Variants in LDLRAD4 observed in about 807,000 individuals in gnomAD.
LDLRAD4 encodes low-density lipoprotein receptor class A domain-containing protein 4.
LDLRAD4 carries 5 observed loss-of-function variants against 17.0 expected under a neutral mutation model. The ratio of observed to expected loss-of-function variants is 0.29; its 90% CI spans 0.15 to 0.62. The LOEUF (loss-of-function observed/expected upper bound fraction) is 0.62, where lower values mean the gene tolerates loss of function less well. LDLRAD4 is among the 20% of genes least tolerant of loss of function. The probability of loss-of-function intolerance (pLI) is 0.84; values close to 1 mark genes in which losing one functional copy is unlikely to be tolerated. For synonymous variants in LDLRAD4, 168 were observed against 171.8 expected (o/e 0.98, Z 0.17); for missense variants, 340 against 424.7 (o/e 0.80, Z 1.75).
intron 1 of LDLRAD4, among the ~76,000 whole-genome samples, chr18:13,221,361 C>A (rs2041445014): frequency 6.6e-6 from 1 of 152,106 alleles, no homozygotes; most frequent in Admixed American, 6.5e-5. Flanking sequence ...AGAAAAAAAT[C>A]TCCTGGAAGC....
At chr18:13,343,959 T>C (rs2082529931) in intron 1 of LDLRAD4, among the ~76,000 whole-genome samples, 1 of 152,198 alleles carries the variant, frequency 6.6e-6, no homozygotes, top group Non-Finnish European at 1.5e-5. Context: ...TTTGCTTGAG[T>C]TCATTGTAGA....
At chr18:13,642,151 G>T in intron 4 of LDLRAD4, 1 of 985,508 alleles carries the variant, frequency 1.0e-6, no homozygotes, top group Non-Finnish European at 1.2e-6. Flanking sequence ...ACTGATTCCA[G>T]GATGTCCCCG....
exon 6 of LDLRAD4, chr18:13,649,496 A>T (rs2043152964): frequency 6.6e-6 from 1 of 152,262 alleles, no homozygotes; most frequent in Non-Finnish European, 1.5e-5. Flanking sequence ...TTGCTAGTAG[A>T]GAGACACCCG....
chr18:13,414,145 T>C (rs2088644264), intron 2 of LDLRAD4, among the ~76,000 whole-genome samples: 1 of 152,198 alleles, frequency 6.6e-6, no homozygotes, highest in Non-Finnish European at 1.5e-5. Context: ...ACAAATGAAA[T>C]CCAGAGATGA....
At chr18:13,495,704 A>G (rs2093454559) in intron 3 of LDLRAD4, among the ~76,000 whole-genome samples, 1 of 152,096 alleles carries the variant, frequency 6.6e-6, no homozygotes. Context: ...ATTCTAGAAC[A>G]AGAGAAGACT....
chr18:13,447,281 C>T (rs1040086236), intron 3 of LDLRAD4, among the ~76,000 whole-genome samples: 4 of 152,208 alleles, frequency 2.6e-5, no homozygotes. Context: ...TCACTGGCAA[C>T]ACGCTTCTGC....
intron 4 of LDLRAD4, among the ~76,000 whole-genome samples, chr18:13,637,307 G>A (rs1456147395): frequency 6.6e-6 from 1 of 152,034 alleles, no homozygotes; most frequent in Non-Finnish European, 1.5e-5. Context: ...GCAGTGGCGG[G>A]CCATTGGTCT....
At chr18:13,558,271 A>T (rs1478798455) in intron 3 of LDLRAD4, among the ~76,000 whole-genome samples, 1 of 152,192 alleles carries the variant, frequency 6.6e-6, no homozygotes, top group Non-Finnish European at 1.5e-5. Context: ...GGCAGAAGAA[A>T]ACAAGACATG....
At chr18:13,410,047 A>G (rs1416494770) in intron 2 of LDLRAD4, among the ~76,000 whole-genome samples, 2 of 152,202 alleles carry the variant, frequency 1.3e-5, no homozygotes, top group Middle Eastern at 3.2e-3. Context: ...CCAGTAATGC[A>G]GAATCTTATT....
intron 3 of LDLRAD4, among the ~76,000 whole-genome samples, chr18:13,455,259 T>C (rs940913842): frequency 6.6e-6 from 1 of 152,178 alleles, no homozygotes; most frequent in Non-Finnish European, 1.5e-5. Context: ...ATGCAAATAT[T>C]GCAGACCTGA....
intron 1 of LDLRAD4, among the ~76,000 whole-genome samples, chr18:13,265,059 T>C (rs921757291): frequency 6.6e-6 from 1 of 152,218 alleles, no homozygotes; most frequent in Non-Finnish European, 1.5e-5. Flanking sequence ...ATCCATCCAC[T>C]GTGTCGCCAA....
At chr18:13,326,662 T>C (rs1370609636) in intron 1 of LDLRAD4, among the ~76,000 whole-genome samples, 1 of 152,232 alleles carries the variant, frequency 6.6e-6, no homozygotes, top group Non-Finnish European at 1.5e-5. Context: ...TTCTGCGGGG[T>C]TTGGCTGATG....
Position 13,398,830 on chromosome 18 carries a change from C to T in LDLRAD4, c.40+11068C>T, listed in dbSNP as rs898729557. 2.6e-5 allele frequency among the ~76,000 whole-genome samples: 4 copies of T among 152,150 alleles called. No homozygotes were observed. The highest frequency in any genetic ancestry group is 2.1e-4 in the South Asian group (1 of 4,808). On this transcript the variant is annotated intron_variant, in intron 2 of 5. Transcript: ENST00000359446. This position sits in a 1 kb window ranked among gnomAD's most constrained non-coding sequence, Gnocchi z 4.8. ...CCCTCCCCGGGGGCACTATAGCAACCGTGTGTTGTTGCCTGGGACTCACTT... is the reference window on the plus strand; with the variant it reads ...CCCTCCCCGGGGGCACTATAGCAACTGTGTGTTGTTGCCTGGGACTCACTT...
intron 2 of LDLRAD4, among the ~76,000 whole-genome samples, chr18:13,400,160 G>C (rs190429449): frequency 1.3e-5 from 2 of 152,284 alleles, no homozygotes; most frequent in Admixed American, 1.3e-4. Flanking sequence ...AAAATATTTC[G>C]TGGAATAAAA....
In LDLRAD4 at chr18:13,638,920, G is replaced by T. The variant is rs146634718; in HGVS notation, c.337-4439G>T. Among the ~76,000 whole-genome samples, 599 of 152,228 alleles carry T rather than the reference G, an allele frequency of 3.9e-3. 1 individual carries two copies. Among genetic ancestry groups the T allele is most frequent in the African/African-American group, 0.014 (576 of 41,538 alleles). On this transcript the variant is annotated intron_variant, in intron 4 of 5. Transcript: ENST00000359446. The stretch of plus-strand genomic sequence containing the variant: ...TTGCAATGGAAGAGGACTGAGACCC[G>T]CTGCAAGGAAGTATTCCGTACATGT...
chr18:13,486,147 G>A (rs2093217637), intron 3 of LDLRAD4, among the ~76,000 whole-genome samples: 2 of 152,134 alleles, frequency 1.3e-5, no homozygotes, highest in South Asian at 2.1e-4. Context: ...TTTTAACCCC[G>A]TTCTCTGCTC....
intron 1 of LDLRAD4, among the ~76,000 whole-genome samples, chr18:13,365,907 G>A (rs1330977943): frequency 6.6e-6 from 1 of 152,062 alleles, no homozygotes; most frequent in Admixed American, 6.5e-5. Flanking sequence ...CTGAGTAGCT[G>A]GGATTACAGG....
At chr18:13,584,319 G>A (rs2094906298) in intron 3 of LDLRAD4, among the ~76,000 whole-genome samples, 1 of 152,184 alleles carries the variant, frequency 6.6e-6, no homozygotes, top group Admixed American at 6.5e-5. Context: ...AGACTCAGAT[G>A]AGTGGCCACC....
intron 1 of LDLRAD4, among the ~76,000 whole-genome samples, chr18:13,383,870 A>G (rs544759212): frequency 6.6e-6 from 1 of 152,310 alleles, no homozygotes; most frequent in African/African-American, 2.4e-5. Flanking sequence ...ATTCCTAGAA[A>G]GGGTAGCTAA....
Sources: gnomAD v4.1 joint callset for allele counts (sites outside exome capture counted in the v4.1 genomes callset) on GRCh38, gnomAD v4.1.1 for gene constraint, Gnocchi (gnomAD v3.1) non-coding constraint, MANE v1.5 for transcripts, NCBI Gene and HGNC (gene_info 2026-07-23, HGNC 2026-07-21) for gene names.